The following PIGG variants were observed in gnomAD, a reference collection of about 807,000 sequenced individuals.
The protein encoded by PIGG is GPI ethanolamine phosphate transferase 2, catalytic subunit.
Under a neutral mutation model 83.2 loss-of-function variants are expected in PIGG, and 70 were observed. The ratio of observed to expected loss-of-function variants is 0.84; its 90% confidence interval spans 0.69 to 1.03. The LOEUF (loss-of-function observed/expected upper bound fraction) is 1.03, where lower values mean the gene tolerates loss of function less well. Among genes scored for constraint, PIGG ranks in the 50% least tolerant of loss-of-function variants. PIGG has a pLI of 0.00. For missense variants in PIGG, 1,257 were observed against 1,233.6 expected, an observed-to-expected ratio of 1.02 and a Z score of -0.28; for synonymous variants, 532 against 519.5, an observed-to-expected ratio of 1.02 and a Z score of -0.33.
At position 505,911 on chromosome 4, in the gene PIGG, T is replaced by C. The variant is rs1553878906; in HGVS notation, c.554T>C (p.Val185Ala). ...TATGATGGAACAACCTCATTTTTCG[T>C]GTCAGATTACACAGAGGTCAGTTTT... ...VEYDGTTSFF[V>A]SDYTEVDNNV... The change falls in exon 3 of 13, where the codon GTG (valine) becomes GCG (alanine). Residue 185 changes from valine to alanine, a missense_variant. Coordinates refer to ENST00000453061, the MANE Select transcript of PIGG (RefSeq NM_001127178.3). 4.3e-6 allele frequency: 7 copies of C among 1,611,734 alleles called. No individual in the cohort carries two copies. The Admixed American group carries it at 1.2e-4, about 27-fold the overall frequency.
intron 8 of PIGG, 87 bp from the exon 9 acceptor site, chr4:523,372 T>C: frequency 1.0e-6 from 1 of 965,010 alleles, no homozygotes. Context: ...TCCAGGGCAT[T>C]CTCTGCTGTG....
At chr4:530,986 G>T in intron 11 of PIGG, 2 of 507,196 alleles carry the variant, frequency 3.9e-6, no homozygotes, top group African/African-American at 1.9e-5. Context: ...GCCAGGCCTG[G>T]GTTTATTTAT....
chr4:526,898 TA>T, intron 9 of PIGG, 140 bp from the exon 10 acceptor site: 1 of 976,790 alleles, frequency 1.0e-6, no homozygotes, highest in Non-Finnish European at 1.5e-6. Context: ...TGTTTGAAAA[TA>T]AAAATCAACA....
chr4:519,733 G>A (rs1388139121), intron 6 of PIGG, among the ~76,000 whole-genome samples: 2 of 140,144 alleles, frequency 1.4e-5, no homozygotes, highest in Non-Finnish European at 3.1e-5. Context: ...TAGGGACTTG[G>A]TGCCTGCAGC....
At chr4:500,106 A>T in intron 1 of PIGG, 1 of 372,478 alleles carries the variant, frequency 2.7e-6, no homozygotes, top group Non-Finnish European at 4.9e-6. Context: ...CAAGCTCCCT[A>T]AATGTCCCAT....
Position 521,786 on chromosome 4 carries a change from C to T in PIGG, c.1459C>T (p.His487Tyr), listed in dbSNP as rs188050877. ...GGTGATCCTGGTTCTTTCGGCCGTT[C>T]ACGTCATTGTGTGCACCTCAGCTGA... ...YLVILVLSAVHVIVCTSAESS... is the reference protein window; with the variant it reads ...YLVILVLSAVYVIVCTSAESS... Residue 487 changes from histidine to tyrosine, a missense_variant, in exon 8 of 13, where the codon CAC (histidine) becomes TAC (tyrosine). Physicochemically the swap from His to Tyr is moderately conservative, Grantham distance 83 (BLOSUM62 2). Coordinates refer to ENST00000453061, the MANE Select transcript of PIGG (RefSeq NM_001127178.3). The T allele has an allele frequency of 3.5e-5, 57 of 1,614,186 alleles. No homozygotes were observed. Among genetic ancestry groups the T allele is most frequent in the Non-Finnish European group, 4.8e-5 (57 of 1,180,030 alleles).
chr4:531,501 G>C (rs963403880), intron 11 of PIGG: 1 of 152,750 alleles, frequency 6.5e-6, no homozygotes, highest in East Asian at 1.9e-4. Context: ...CCTGTCCGCT[G>C]TCTCGTACCC....
At position 530,355 on chromosome 4, in the gene PIGG, T is replaced by C. The variant is rs528508007; in HGVS notation, c.2262-81T>C. 49 of 960,114 alleles carry C rather than the reference T, an allele frequency of 5.1e-5. No homozygotes were observed. The East Asian group carries it at 1.1e-3, about 22-fold the overall frequency. The allele number at this position is 960,114 out of a possible 1,614,324, so 59.5% of individuals were successfully genotyped here. A position where few individuals can be genotyped will look rare whatever the true frequency, so the allele number is the denominator to read the frequency against. On this transcript the variant is annotated intron_variant, in intron 10 of 12. Transcript: ENST00000453061. ...GACATTTACTGGTTCCCTGGGTAGA[T>C]AGGTGTGTTTTTCATGGGAAAATGT...
chr4:518,450 G>A (rs914886866), intron 6 of PIGG, among the ~76,000 whole-genome samples: 5 of 152,120 alleles, frequency 3.3e-5, no homozygotes, highest in Admixed American at 1.3e-4. Flanking sequence ...AAAATTAGTT[G>A]GGCATGGTGG....
intron 8 of PIGG, 140 bp from the exon 9 acceptor site, chr4:523,319 G>A (rs1726576755): frequency 1.4e-6 from 1 of 704,734 alleles, no homozygotes; most frequent in Admixed American, 2.3e-5. Flanking sequence ...GGCTGTTCCA[G>A]AGTAGGGGCC....
At chr4:518,897 G>A (rs913776590) in intron 6 of PIGG, among the ~76,000 whole-genome samples, 3 of 152,210 alleles carry the variant, frequency 2.0e-5, no homozygotes, top group South Asian at 4.2e-4. Flanking sequence ...CCTCGGTGGC[G>A]TCCAGTCTGT....
chr4:508,681 G>C (rs1474167057), intron 4 of PIGG, 148 bp from the exon 5 acceptor site: 1 of 655,960 alleles, frequency 1.5e-6, no homozygotes, highest in African/African-American at 1.8e-5. Context: ...CTGTGATCTG[G>C]CTATGAGCTC....
chr4:504,358 C>T (rs1445923636), intron 2 of PIGG, among the ~76,000 whole-genome samples: 1 of 152,192 alleles, frequency 6.6e-6, no homozygotes, highest in Non-Finnish European at 1.5e-5. Flanking sequence ...TCAGTGGCTG[C>T]TGCAGCGTGG....
chr4:500,521 A>C lies in PIGG; in HGVS notation c.280A>C (p.Thr94Pro). 1 of 1,613,620 alleles carries C rather than the reference A, an allele frequency of 6.2e-7. No individual in the cohort carries two copies. Residue 94 changes from threonine to proline, a missense_variant, in exon 2 of 13, where the codon ACT (threonine) becomes CCT (proline). Physicochemically the swap from Thr to Pro is conservative, Grantham distance 38. Coordinates refer to ENST00000453061, the MANE Select transcript of PIGG (RefSeq NM_001127178.3). ...SKGVKFMPYT[T>P]YLVEKGASHS... ...GGGTGTGAAATTTATGCCCTACACA[A>C]CTTACCTTGTGGAAAAAGGAGCATC...
rs540696346 is a variant in PIGG, at chr4:535,585, T to G, written c.2735+1604T>G. ...CTGCCGGGAGCCCCAGGGAGCGCGC[T>G]GTGGCCTCTCCGCTGAGCAGTGAGG... On this transcript the variant is annotated intron_variant, in intron 12 of 12. Coordinates refer to ENST00000453061, the MANE Select transcript of PIGG (RefSeq NM_001127178.3). Among the ~76,000 whole-genome samples the G allele has an allele frequency of 2.2e-4, 33 of 152,246 alleles. 1 individual carries two copies. The South Asian group carries it at 6.4e-3, about 30-fold the overall frequency.
Position 515,870 on chromosome 4 carries a change from C to T in PIGG, c.902-103C>T, listed in dbSNP as rs534900428. 4.9e-5 allele frequency: 42 copies of T among 861,630 alleles called. No homozygotes were observed. The highest frequency in any genetic ancestry group is 6.6e-5 in the Non-Finnish European group (34 of 512,864). 53.4% of individuals were successfully genotyped at this position (861,630 alleles called of 1,614,324 possible). ...TTCTGTGTTGAGTGGTGTGAAGAGA[C>T]GGATCATTTGGCTCATGTTAGTTGT... On this transcript the variant is annotated intron_variant, in intron 5 of 12. Transcript: ENST00000453061. The surrounding 1 kb of genome is among the most constrained non-coding windows in gnomAD (Gnocchi z 4.2).
rs1451155406 is a variant in PIGG at position 506,640 on chromosome 4, A to C, written c.570+713A>C. The C allele has an allele frequency of 1.0e-5, 4 of 389,670 alleles. No homozygotes were observed. In the Admixed American group the frequency reaches 1.1e-4, roughly 11 times the overall value. 24.1% of individuals were successfully genotyped at this position (389,670 alleles called of 1,614,324 possible). ...GCATCACTGAGAAACACTTCTCTTC[A>C]TAGGAGATTTTTTTAGTGGGAGGGA... On this transcript the variant is annotated intron_variant, in intron 3 of 12. Coordinates refer to ENST00000453061, the MANE Select transcript of PIGG (RefSeq NM_001127178.3).
chr4:499,671 T>C lies in PIGG; in HGVS notation c.154+182T>C, dbSNP rs369782118. ...TCTCTTTTCTGTATTCTTACAACTT[T>C]GTGGCAACCACCTCTACTGGCCCCA... On this transcript the variant is annotated intron_variant, in intron 1 of 12. Coordinates refer to ENST00000453061, the MANE Select transcript of PIGG (RefSeq NM_001127178.3). The C allele has an allele frequency of 2.3e-4, 328 of 1,411,580 alleles. No individual in the cohort carries two copies. The East Asian group carries it at 7.4e-3, about 32-fold the overall frequency. The allele number at this position is 1,411,580 out of a possible 1,614,324, so 87.4% of individuals were successfully genotyped here. A position where few individuals can be genotyped will look rare whatever the true frequency, so the allele number is the denominator to read the frequency against.
intron 5 of PIGG, among the ~76,000 whole-genome samples, chr4:512,335 T>C (rs1722293810): frequency 6.7e-6 from 1 of 149,318 alleles, no homozygotes; most frequent in South Asian, 2.2e-4. Flanking sequence ...TTCTCCTGCC[T>C]CAGCCTCCCG....
Sources: gnomAD v4.1 joint callset for allele counts (sites outside exome capture counted in the v4.1 genomes callset) on GRCh38, gnomAD v4.1.1 for gene constraint, Gnocchi (gnomAD v3.1) non-coding constraint, MANE v1.5 for transcripts, NCBI Gene and HGNC (gene_info 2026-07-23, HGNC 2026-07-21) for gene names.